EVI5: variants seen among roughly 807,000 people sequenced by gnomAD.
The protein encoded by EVI5 is ecotropic viral integration site 5, also known as ecotropic viral integration site 5 protein homolog.
A neutral mutation model predicts 112.0 loss-of-function variants in EVI5; 73 were observed. The observed-to-expected ratio is 0.65, with a 90% CI of 0.54 to 0.79. The LOEUF is 0.79. EVI5 is among the 30% of genes least tolerant of loss of function. EVI5 has a pLI of 0.00. For missense variants in EVI5, 900 were observed against 968.8 expected, an observed-to-expected ratio of 0.93 and a Z score of 0.94; for synonymous variants, 305 against 319.9, an observed-to-expected ratio of 0.95 and a Z score of 0.50.
rs1659189852 is a variant in EVI5, at chr1:92,511,496, C to T, written c.*2160G>A. ...AACAGAGAATTGAGAAATTCTTCAGCTGAACCCTTTCAAAAGCTTTGGTGT... is the reference window on the plus strand; with the variant it reads ...AACAGAGAATTGAGAAATTCTTCAGTTGAACCCTTTCAAAAGCTTTGGTGT... On this transcript the variant is annotated 3_prime_UTR_variant, in exon 20 of 20. Transcript: ENST00000684568. The T allele has an allele frequency of 6.6e-6, 1 of 152,154 alleles. No individual in the cohort carries two copies. The highest frequency in any genetic ancestry group is 2.4e-5 in the African/African-American group (1 of 41,408). 9.4% of individuals were successfully genotyped at this position (152,154 alleles called of 1,614,324 possible). A position where few individuals can be genotyped will look rare whatever the true frequency, so the allele number is the denominator to read the frequency against.
intron 2 of EVI5, among the ~76,000 whole-genome samples, chr1:92,708,291 C>T (rs1157948410): frequency 6.6e-6 from 1 of 151,608 alleles, no homozygotes; most frequent in African/African-American, 2.4e-5. Flanking sequence ...TACAAATCAA[C>T]AATAACGTGA....
chr1:92,567,423 G>T (rs1669669672), intron 18 of EVI5, among the ~76,000 whole-genome samples: 1 of 152,174 alleles, frequency 6.6e-6, no homozygotes, highest in Non-Finnish European at 1.5e-5. Flanking sequence ...GCAACTTTCA[G>T]TCCTGCAAGC....
At chr1:92,593,926 C>A (rs1180562261) in intron 18 of EVI5, among the ~76,000 whole-genome samples, 1 of 152,172 alleles carries the variant, frequency 6.6e-6, no homozygotes, top group Non-Finnish European at 1.5e-5. Context: ...AAGGAGGACA[C>A]AAACAAATGG....
chr1:92,719,616 A>T, intron 2 of EVI5, among the ~76,000 whole-genome samples: 1 of 152,064 alleles, frequency 6.6e-6, no homozygotes, highest in East Asian at 1.9e-4. Flanking sequence ...AACTGGAAGC[A>T]TTCCCTTTGA....
At chr1:92,765,857 C>T (rs138219184) in intron 1 of EVI5, among the ~76,000 whole-genome samples, 2 of 152,106 alleles carry the variant, frequency 1.3e-5, no homozygotes, top group East Asian at 3.9e-4. Context: ...GGGAGGGTCG[C>T]TTCAGGCTGC....
chr1:92,763,456 G>A (rs964427372), intron 1 of EVI5, among the ~76,000 whole-genome samples: 4 of 151,654 alleles, frequency 2.6e-5, no homozygotes, highest in Non-Finnish European at 5.9e-5. Flanking sequence ...TAGTGCTTTC[G>A]GAGGCCAAAT....
At chr1:92,663,544 C>G (rs1366703207) in intron 11 of EVI5, 92 bp from the exon 12 acceptor site, 1 of 581,194 alleles carries the variant, frequency 1.7e-6, no homozygotes. Flanking sequence ...CAAATTCCAT[C>G]TACTTTTCAT....
At position 92,553,580 on chromosome 1, in the gene EVI5, C is replaced by T. The variant is rs538811091; in HGVS notation, c.2166+10062G>A. On this transcript the variant is annotated intron_variant, in intron 19 of 19. Transcript: ENST00000684568. The stretch of plus-strand genomic sequence containing the variant: ...CCTCCCAAAGTGCTGGGATTACAGG[C>T]GTGAGCCACCGTGCCCAGCCAATTT... 1.8e-3 allele frequency among the ~76,000 whole-genome samples: 269 copies of T among 152,174 alleles called. 1 individual carries two copies. Among genetic ancestry groups the T allele is most frequent in the African/African-American group, 6.3e-3 (260 of 41,524 alleles).
At chr1:92,723,327 C>G (rs1180019584) in intron 2 of EVI5, among the ~76,000 whole-genome samples, 3 of 152,050 alleles carry the variant, frequency 2.0e-5, no homozygotes, top group African/African-American at 7.2e-5. Flanking sequence ...AGACTTCTTC[C>G]CATGCTGTTG....
chr1:92,590,463 T>C (rs1484954319), intron 18 of EVI5, among the ~76,000 whole-genome samples: 1 of 152,068 alleles, frequency 6.6e-6, no homozygotes, highest in Admixed American at 6.5e-5. Context: ...AACTACGTGA[T>C]GAACGCACAA....
chr1:92,619,721 G>T (rs1654087881), intron 16 of EVI5, among the ~76,000 whole-genome samples: 1 of 149,998 alleles, frequency 6.7e-6, no homozygotes, highest in South Asian at 2.1e-4. Context: ...AGGAGTTCGA[G>T]ACCTGGGCAA....
intron 11 of EVI5, among the ~76,000 whole-genome samples, chr1:92,665,495 G>A (rs1263064521): frequency 6.6e-6 from 1 of 152,128 alleles, no homozygotes; most frequent in East Asian, 1.9e-4. Flanking sequence ...AAATCAACAT[G>A]AGTGAATTTT....
At chr1:92,541,487 A>T (rs991960429) in intron 19 of EVI5, among the ~76,000 whole-genome samples, 1 of 152,206 alleles carries the variant, frequency 6.6e-6, no homozygotes, top group Non-Finnish European at 1.5e-5. Flanking sequence ...AATGTGGATA[A>T]ATCAAAACAC....
rs911599840 is a variant in EVI5, at chr1:92,636,804, T to G, written c.1393-468A>C. ...AGAATTAATATGAAATAAAAAAATCTCAATGATTTTTATATTGATTACATT... is the reference window on the plus strand; with the variant it reads ...AGAATTAATATGAAATAAAAAAATCGCAATGATTTTTATATTGATTACATT... On this transcript the variant is annotated intron_variant, in intron 13 of 19. Transcript: ENST00000684568. Among the ~76,000 whole-genome samples, 11 of 152,298 alleles carry G rather than the reference T, an allele frequency of 7.2e-5. 1 individual carries two copies. Among genetic ancestry groups the G allele is most frequent in the Admixed American group, 5.2e-4 (8 of 15,298 alleles).
chr1:92,785,372 G>C (rs1015011418), upstream of EVI5, among the ~76,000 whole-genome samples: 1 of 152,206 alleles, frequency 6.6e-6, no homozygotes, highest in African/African-American at 2.4e-5. Context: ...CCCCTCGGGG[G>C]CCCGAAGCGA....
At chr1:92,536,054 A>AT (rs1663837962) in intron 19 of EVI5, among the ~76,000 whole-genome samples, 1 of 152,354 alleles carries the variant, frequency 6.6e-6, no homozygotes, top group Non-Finnish European at 1.5e-5. Context: ...GGACTGCTTC[A>AT]TCATGTTATG....
chr1:92,605,256 G>T, intron 18 of EVI5, 51 bp downstream of exon 18: 1 of 1,179,856 alleles, frequency 8.5e-7, no homozygotes, highest in South Asian at 1.2e-5. Flanking sequence ...CAGACAAAGA[G>T]GATAGAAGAA....
chr1:92,627,222 C>T (rs1256573092), intron 14 of EVI5, among the ~76,000 whole-genome samples: 3 of 152,184 alleles, frequency 2.0e-5, no homozygotes, highest in African/African-American at 7.2e-5. Context: ...CCTTTGCATC[C>T]TCCTAGCTTA....
chr1:92,703,286 C>CA, intron 4 of EVI5, 109 bp downstream of exon 4: 1 of 672,528 alleles, frequency 1.5e-6, no homozygotes, highest in Non-Finnish European at 2.4e-6. Context: ...ATTTCACTGC[C>CA]AAAGCAACTG....
Sources: gnomAD v4.1 joint callset for allele counts (sites outside exome capture counted in the v4.1 genomes callset) on GRCh38, gnomAD v4.1.1 for gene constraint, MANE v1.5 for transcripts, NCBI Gene and HGNC (gene_info 2026-07-23, HGNC 2026-07-21) for gene names.